The following TENM2 variants were observed in gnomAD, a reference collection of about 807,000 sequenced individuals.
TENM2 encodes teneurin transmembrane protein 2, also known as teneurin-2.
TENM2 carries 52 observed loss-of-function variants against 245.2 expected under a neutral mutation model. The ratio of observed to expected loss-of-function variants is 0.21; its 90% CI spans 0.17 to 0.27. The LOEUF (loss-of-function observed/expected upper bound fraction) is 0.27. Ranked by LOEUF, TENM2 falls within the 10% of genes least tolerant of loss-of-function variation. The pLI, the probability that TENM2 is intolerant of heterozygous loss-of-function variation, is 1.00. For synonymous variants in TENM2, 1,363 were observed against 1,438.9 expected, an observed-to-expected ratio of 0.95 and a Z score of 1.19; for missense variants, 3,046 against 3,666.8, an observed-to-expected ratio of 0.83 and a Z score of 4.37.
intron 4 of TENM2, among the ~76,000 whole-genome samples, chr5:167,991,842 G>A (rs1783691863): frequency 1.3e-5 from 2 of 152,180 alleles, no homozygotes; most frequent in African/African-American, 2.4e-5. Flanking sequence ...CAGTACACAG[G>A]TTTTATCGAA....
the TENM2 span, among the ~76,000 whole-genome samples, chr5:167,227,090 G>T: frequency 2.9e-5 from 3 of 104,890 alleles, no homozygotes; most frequent in African/African-American, 1.4e-4. Context: ...TGCATTTCTT[G>T]TAGACAGCAT....
the TENM2 span, among the ~76,000 whole-genome samples, chr5:167,189,505 C>G: frequency 6.6e-6 from 1 of 151,536 alleles, no homozygotes; most frequent in Non-Finnish European, 1.5e-5. Context: ...TTCCTTCCTT[C>G]CCCCTTTCTT....
chr5:167,242,030 TC>T, the TENM2 span, among the ~76,000 whole-genome samples: 1 of 151,546 alleles, frequency 6.6e-6, no homozygotes. Flanking sequence ...TTCTTTGTTT[TC>T]TTTTTTTGTT....
chr5:167,992,369 G>GT (rs1341046178), intron 4 of TENM2, among the ~76,000 whole-genome samples: 11 of 152,174 alleles, frequency 7.2e-5, no homozygotes, highest in Non-Finnish European at 2.9e-5. Context: ...TTTGTAAATA[G>GT]TTGTGACAAT....
At chr5:168,227,578 T>C (rs1487144082) in intron 24 of TENM2, among the ~76,000 whole-genome samples, 2 of 151,890 alleles carry the variant, frequency 1.3e-5, no homozygotes, top group African/African-American at 2.4e-5. Flanking sequence ...GGGAATTTGA[T>C]TGACACAAAT....
intron 19 of TENM2, among the ~76,000 whole-genome samples, chr5:168,210,679 C>T (rs1003678569): frequency 6.6e-6 from 1 of 151,040 alleles, no homozygotes; most frequent in African/African-American, 2.4e-5. Flanking sequence ...CCTGTGCAAA[C>T]CCACCACTAA....
chr5:168,200,022 G>T (rs752673564), exon 17 of TENM2: 9 of 1,613,820 alleles, frequency 5.6e-6, no homozygotes, highest in Non-Finnish European at 8.5e-7. Context: ...CTGTCGAGGG[G>T]CATCTCTTCC....
At chr5:168,250,290 G>C (rs1383469470) in intron 27 of TENM2, among the ~76,000 whole-genome samples, 1 of 152,140 alleles carries the variant, frequency 6.6e-6, no homozygotes, top group African/African-American at 2.4e-5. Flanking sequence ...TAGGTAGAGA[G>C]AAGGGGAGAG....
At chr5:168,065,854 G>GTTTTTTTTTTTTTTTTTTTTTT (rs546874434) in intron 7 of TENM2, among the ~76,000 whole-genome samples, 1 of 144,140 alleles carries the variant, frequency 6.9e-6, no homozygotes, top group Non-Finnish European at 1.5e-5. Context: ...AAGAACAAAG[G>GTTTTTTTTTTTTTTTTTTTTTT]TTTTTTTTTT....
the TENM2 span, among the ~76,000 whole-genome samples, chr5:167,080,989 T>G: frequency 6.6e-6 from 1 of 152,192 alleles, no homozygotes; most frequent in African/African-American, 2.4e-5. Flanking sequence ...TATATTTTTC[T>G]GACTTTCTAC....
At chr5:167,942,147 G>T (rs1779235932) in intron 3 of TENM2, among the ~76,000 whole-genome samples, 1 of 147,868 alleles carries the variant, frequency 6.8e-6, no homozygotes, top group Non-Finnish European at 1.5e-5. Flanking sequence ...GGCAGAGGTT[G>T]CAGTAAGCCA....
chr5:167,728,473 G>A (rs1454741809), intron 2 of TENM2, among the ~76,000 whole-genome samples: 2 of 144,736 alleles, frequency 1.4e-5, no homozygotes, highest in Non-Finnish European at 3.0e-5. Flanking sequence ...TTAACGGCAT[G>A]GTGGTGCGTG....
At chr5:168,082,440 G>A (rs114987391) in intron 7 of TENM2, among the ~76,000 whole-genome samples, 15,331 of 152,196 alleles carry the variant, frequency 0.1, 1,138 homozygotes, top group East Asian at 0.31. Context: ...CTCTCAACCC[G>A]TCAAAGCCAT....
chr5:167,412,668 G>A (rs1762967663), intron 2 of TENM2, among the ~76,000 whole-genome samples: 1 of 152,040 alleles, frequency 6.6e-6, no homozygotes, highest in African/African-American at 2.4e-5. Flanking sequence ...GAAAGGTTAG[G>A]CAATTTGTAT....
intron 2 of TENM2, among the ~76,000 whole-genome samples, chr5:167,664,309 G>C (rs1755433284): frequency 6.6e-6 from 1 of 152,222 alleles, no homozygotes; most frequent in African/African-American, 2.4e-5. Context: ...TCTCCTTCTA[G>C]AATTCAGCAT....
chr5:167,735,953 A>G (rs1339287770), intron 2 of TENM2, among the ~76,000 whole-genome samples: 3 of 152,190 alleles, frequency 2.0e-5, no homozygotes, highest in African/African-American at 2.4e-5. Context: ...TCTAGGGGGG[A>G]AAATAAAGTT....
intron 13 of TENM2, among the ~76,000 whole-genome samples, chr5:168,169,286 C>A (rs1331638138): frequency 6.6e-6 from 1 of 152,194 alleles, no homozygotes; most frequent in Non-Finnish European, 1.5e-5. Flanking sequence ...TACTGCAGTT[C>A]CCTCTCTAAA....
chr5:167,625,089 A>G (rs1778412670), intron 2 of TENM2, among the ~76,000 whole-genome samples: 1 of 152,080 alleles, frequency 6.6e-6, no homozygotes, highest in Non-Finnish European at 1.5e-5. Context: ...CCCCAAGCAG[A>G]GAGCTGTCAC....
At chr5:168,158,923 A>T (rs1465918170) in intron 12 of TENM2, among the ~76,000 whole-genome samples, 1 of 145,396 alleles carries the variant, frequency 6.9e-6, no homozygotes, top group African/African-American at 2.5e-5. Context: ...ATATATACAC[A>T]TATATATGTA....
Sources: allele counts gnomAD v4.1 joint callset (sites outside exome capture counted in the v4.1 genomes callset), GRCh38; gene constraint gnomAD v4.1.1; transcripts MANE v1.5; gene names NCBI Gene and HGNC (gene_info 2026-07-23, HGNC 2026-07-21).